PCNX2: variants seen among roughly 807,000 people sequenced by gnomAD.
PCNX2 encodes the protein pecanex-like protein 2.
In PCNX2, 168 loss-of-function variants were observed where a neutral mutation model predicts 223.8. That is an observed-to-expected ratio of 0.75 (90% confidence interval 0.66 to 0.85). The LOEUF is 0.85. PCNX2 is among the 40% of genes least tolerant of loss of function. The probability of loss-of-function intolerance (pLI) is 0.00; values close to 1 mark genes in which losing one functional copy is unlikely to be tolerated. For missense variants in PCNX2, 2,507 were observed against 2,675.5 expected, an observed-to-expected ratio of 0.94 and a Z score of 1.39; for synonymous variants, 1,006 against 1,052.6, an observed-to-expected ratio of 0.96 and a Z score of 0.86.
intron 25 of PCNX2, among the ~76,000 whole-genome samples, chr1:233,031,617 G>C (rs1337436977): frequency 1.3e-5 from 2 of 152,124 alleles, no homozygotes; most frequent in Non-Finnish European, 2.9e-5. Flanking sequence ...TGCACATTCA[G>C]AGCTATTAGG....
At chr1:233,098,786 G>T (rs1674320780) in intron 21 of PCNX2, among the ~76,000 whole-genome samples, 1 of 152,176 alleles carries the variant, frequency 6.6e-6, no homozygotes, top group Admixed American at 6.5e-5. Context: ...CGCTGCCTGA[G>T]TTTGAATCCC....
chr1:233,169,787 G>C (rs760649813), intron 17 of PCNX2, among the ~76,000 whole-genome samples: 1 of 151,372 alleles, frequency 6.6e-6, no homozygotes, highest in African/African-American at 2.4e-5. Context: ...GAAGCTTCTT[G>C]TATGTGGCTA....
chr1:233,312,885 T>C, the PCNX2 span, among the ~76,000 whole-genome samples: 1 of 151,608 alleles, frequency 6.6e-6, no homozygotes, highest in African/African-American at 2.4e-5. Flanking sequence ...GAAAAAAAAT[T>C]CATATGAAGA....
intron 25 of PCNX2, among the ~76,000 whole-genome samples, chr1:233,049,809 C>T (rs1385878684): frequency 6.6e-6 from 1 of 151,994 alleles, no homozygotes. Context: ...TTCCTACACA[C>T]TAGTAACATT....
intron 10 of PCNX2, among the ~76,000 whole-genome samples, chr1:233,220,801 G>A (rs1657331058): frequency 1.3e-5 from 2 of 152,142 alleles, no homozygotes; most frequent in African/African-American, 4.8e-5. Context: ...TAACAAAAAT[G>A]AGAGAAACAG....
At position 233,014,857 on chromosome 1, in the gene PCNX2, T is replaced by C. The variant is rs115492225; in HGVS notation, c.4840-80A>G. The C allele has an allele frequency of 1.1e-3, 1,345 of 1,189,080 alleles. 11 individuals carry two copies. The African/African-American group carries it at 0.018, about 16-fold the overall frequency. 73.7% of individuals were successfully genotyped at this position (1,189,080 alleles called of 1,614,324 possible). A position where few individuals can be genotyped will look rare whatever the true frequency, so the allele number is the denominator to read the frequency against. On this transcript the variant is annotated intron_variant, in intron 27 of 33. Transcript: ENST00000258229. ...ACACAGGCATAAATGTAGAGTGACA[T>C]TGGCTTTGTAAGTCAGCCACGTGGT...
chr1:233,326,690 G>T, the PCNX2 span, among the ~76,000 whole-genome samples: 1 of 152,110 alleles, frequency 6.6e-6, no homozygotes, highest in South Asian at 2.1e-4. Flanking sequence ...ATCTAAAATT[G>T]TCCCTTCTGT....
At chr1:233,089,515 A>G (rs550533393) in intron 23 of PCNX2, among the ~76,000 whole-genome samples, 2 of 152,312 alleles carry the variant, frequency 1.3e-5, no homozygotes, top group Admixed American at 1.3e-4. Context: ...TCAATCACCA[A>G]TTGCTTAAGG....
At chr1:233,194,243 C>T in intron 15 of PCNX2, among the ~76,000 whole-genome samples, 1 of 151,944 alleles carries the variant, frequency 6.6e-6, no homozygotes, top group East Asian at 1.9e-4. Flanking sequence ...GAAAACAGAA[C>T]ATGTTGAAAG....
At chr1:232,987,224 G>C (rs550632645) in intron 32 of PCNX2, among the ~76,000 whole-genome samples, 2 of 152,300 alleles carry the variant, frequency 1.3e-5, no homozygotes, top group East Asian at 3.9e-4. Context: ...GCTGAAACTT[G>C]TCTAGACAAG....
chr1:233,172,405 C>T, intron 17 of PCNX2: 2 of 985,428 alleles, frequency 2.0e-6, no homozygotes, highest in Non-Finnish European at 2.4e-6. Context: ...GTTGTTTGAA[C>T]TTGTGCTGCA....
At chr1:233,151,836 G>A (rs1344967743) in intron 19 of PCNX2, among the ~76,000 whole-genome samples, 2 of 152,044 alleles carry the variant, frequency 1.3e-5, no homozygotes, top group African/African-American at 2.4e-5. Flanking sequence ...TACCATGCCC[G>A]GCCAATTTTT....
intron 9 of PCNX2, 149 bp from the exon 10 acceptor site, chr1:233,227,520 T>C: frequency 8.4e-6 from 6 of 712,402 alleles, no homozygotes; most frequent in Admixed American, 4.1e-5. Context: ...AATTCTGATA[T>C]GTAAACCAAC....
At chr1:233,318,279 A>C in the PCNX2 span, among the ~76,000 whole-genome samples, 1 of 152,182 alleles carries the variant, frequency 6.6e-6, no homozygotes. Context: ...CCATTTTTTA[A>C]AGAATTCACA....
intron 17 of PCNX2, among the ~76,000 whole-genome samples, chr1:233,166,922 G>A (rs1239591524): frequency 5.9e-5 from 9 of 152,040 alleles, no homozygotes; most frequent in Non-Finnish European, 8.8e-5. Flanking sequence ...TGGCAAGATT[G>A]CTTGAGGCTG....
chr1:233,285,535 C>T (rs1014530532), intron 1 of PCNX2, among the ~76,000 whole-genome samples: 2 of 144,098 alleles, frequency 1.4e-5, no homozygotes, highest in East Asian at 2.1e-4. Context: ...ATTAGCCGGG[C>T]GTGGTGGTGC....
chr1:233,208,412 TC>T lies in PCNX2; in HGVS notation c.2863+105del, dbSNP rs1343008909. The T allele has an allele frequency of 1.5e-5, 19 of 1,271,918 alleles. No homozygotes were observed. In the East Asian group the frequency reaches 3.2e-4, roughly 22 times the overall value. The allele number at this position is 1,271,918 out of a possible 1,614,324, so 78.8% of individuals were successfully genotyped here. On this transcript the variant is annotated intron_variant, in intron 13 of 33. Transcript: ENST00000258229. ...ATGCAAGCCAAGAGGAAAGTGCACA[TC>T]TCTTCACCCAATAATCAAGTAAGGA...
At chr1:233,008,471 C>T (rs1465893298) in intron 28 of PCNX2, among the ~76,000 whole-genome samples, 1 of 152,190 alleles carries the variant, frequency 6.6e-6, no homozygotes, top group Non-Finnish European at 1.5e-5. Context: ...TCTGTGTTCA[C>T]TCATAAGATC....
chr1:233,145,551 T>G (rs2477859), intron 19 of PCNX2, among the ~76,000 whole-genome samples: 1 of 151,754 alleles, frequency 6.6e-6, no homozygotes, highest in Non-Finnish European at 1.5e-5. Context: ...CTGAGTCTTT[T>G]CTGCTTGAGA....
Sources: allele counts gnomAD v4.1 joint callset (sites outside exome capture counted in the v4.1 genomes callset), GRCh38; gene constraint gnomAD v4.1.1; transcripts MANE v1.5; gene names NCBI Gene and HGNC (gene_info 2026-07-23, HGNC 2026-07-21).